The following TRIP10 variants were observed in gnomAD, a reference collection of about 807,000 sequenced individuals.
The protein encoded by TRIP10 is thyroid hormone receptor interactor 10, also known as cdc42-interacting protein 4.
A neutral mutation model predicts 80.9 loss-of-function variants in TRIP10; 54 were observed. That is an observed-to-expected ratio of 0.67 (90% CI 0.54 to 0.84). The LOEUF (loss-of-function observed/expected upper bound fraction) is 0.84. TRIP10 is among the 40% of genes least tolerant of loss of function. TRIP10 has a pLI of 0.00. For missense variants in TRIP10, 773 were observed against 815.3 expected (o/e 0.95, Z 0.63); for synonymous variants, 321 against 307.2 (o/e 1.04, Z -0.47).
chr19:6,743,482 TC>T lies in TRIP10; in HGVS notation c.409-8del. The T allele has an allele frequency of 6.2e-7, 1 of 1,613,226 alleles. No homozygotes were observed. Among genetic ancestry groups the T allele is most frequent in the Non-Finnish European group, 8.5e-7 (1 of 1,179,466 alleles). The stretch of plus-strand genomic sequence containing the variant: ...TGGTGGCTCCCTCACTCCGGTTCTG[TC>T]CCCTACACAGAGTAAGCGTAAATTT... On this transcript the variant is annotated splice_polypyrimidine_tract_variant and intron_variant, in intron 5 of 14. Transcript: ENST00000313244.
rs1240238855 is a variant in TRIP10 at position 6,745,012 on chromosome 19, T to G, written c.984+18T>G. On this transcript the variant is annotated intron_variant, in intron 9 of 14. Coordinates refer to ENST00000313244, the MANE Select transcript of TRIP10 (RefSeq NM_001288962.2). This position sits in a 1 kb window ranked among gnomAD's most constrained non-coding sequence, Gnocchi z 7.2. Reference sequence around the variant, plus strand: ...AGAACAAGGTGGGGGCCGGGACCCTTGGGATGGTGGGGGAGAAGGACAGTG... The same window carrying G: ...AGAACAAGGTGGGGGCCGGGACCCTGGGGATGGTGGGGGAGAAGGACAGTG... The G allele has an allele frequency of 1.2e-6, 2 of 1,608,682 alleles. No individual in the cohort carries two copies. Among genetic ancestry groups the G allele is most frequent in the Admixed American group, 3.3e-5 (2 of 59,722 alleles).
chr19:6,745,143 A>AGTCG lies in TRIP10; in HGVS notation c.984+150_984+151insTCGG. On this transcript the variant is annotated intron_variant, in intron 9 of 14. Coordinates refer to ENST00000313244, the MANE Select transcript of TRIP10 (RefSeq NM_001288962.2). The surrounding 1 kb of genome is among the most constrained non-coding windows in gnomAD (Gnocchi z 7.2). ...TGCCAGCCCGGACTGGAGGGAAGGA[A>AGTCG]GGCGGCCGATTGGCCTGGGAGTCCC... The AGTCG allele has an allele frequency of 8.8e-7, 1 of 1,140,082 alleles. No homozygotes were observed. Among genetic ancestry groups the AGTCG allele is most frequent in the Non-Finnish European group, 1.2e-6 (1 of 852,104 alleles). 70.6% of individuals were successfully genotyped at this position (1,140,082 alleles called of 1,614,324 possible).
chr19:6,747,957 G>A (rs1170585985), intron 11 of TRIP10, among the ~76,000 whole-genome samples: 3 of 145,526 alleles, frequency 2.1e-5, no homozygotes, highest in African/African-American at 2.6e-5. Flanking sequence ...AGAAGAAGAA[G>A]AAAAACCCAA....
Position 6,739,767 on chromosome 19 carries a change from T to A in TRIP10, c.6T>A (p.Asp2Glu). M[D>E]WGTELWDQFE... ...GCGGCGGCGGCGGGAGCAGCATGGA[T>A]TGGGGCACTGAGCTGTGGGTAAGTC... Residue 2 changes from aspartate (D) to glutamate (E), a missense_variant, in exon 1 of 15, where the codon GAT (aspartate) becomes GAA (glutamate). Transcript: ENST00000313244. 6.9e-7 allele frequency: 1 copy of A among 1,447,520 alleles called. No individual in the cohort carries two copies. Among genetic ancestry groups the A allele is most frequent in the Non-Finnish European group, 9.2e-7 (1 of 1,092,510 alleles). The allele number at this position is 1,447,520 out of a possible 1,614,324, so 89.7% of individuals were successfully genotyped here. A position where few individuals can be genotyped will look rare whatever the true frequency, so the allele number is the denominator to read the frequency against.
At position 6,745,799 on chromosome 19, in the gene TRIP10, G is replaced by C. The variant is rs919707491; in HGVS notation, c.985-230G>C. The stretch of plus-strand genomic sequence containing the variant: ...TCAACATCCTCCCCGCCACCTTCCA[G>C]ATTTTTTTGTGTCGCTCCTGCATGC... On this transcript the variant is annotated intron_variant, in intron 9 of 14. Coordinates refer to ENST00000313244, the MANE Select transcript of TRIP10 (RefSeq NM_001288962.2). The surrounding 1 kb of genome is among the most constrained non-coding windows in gnomAD (Gnocchi z 7.2). The C allele has an allele frequency of 6.1e-6, 6 of 984,898 alleles. No homozygotes were observed. The highest frequency in any genetic ancestry group is 5.3e-5 in the African/African-American group (3 of 57,106). 61.0% of individuals were successfully genotyped at this position (984,898 alleles called of 1,614,324 possible). A position where few individuals can be genotyped will look rare whatever the true frequency, so the allele number is the denominator to read the frequency against.
chr19:6,740,919 C>T lies in TRIP10; in HGVS notation c.25-91C>T, dbSNP rs762538788. The T allele has an allele frequency of 4.1e-5, 48 of 1,175,290 alleles. 1 individual carries two copies. The highest frequency in any genetic ancestry group is 3.9e-5 in the Non-Finnish European group (32 of 813,516). The allele number at this position is 1,175,290 out of a possible 1,614,324, so 72.8% of individuals were successfully genotyped here. The stretch of plus-strand genomic sequence containing the variant: ...TCCTTCTAGGAGCGCAGAGCCTTGG[C>T]CCTCCCTGGGAGTCTGGTCGGCGGG... On this transcript the variant is annotated intron_variant, in intron 1 of 14. Coordinates refer to ENST00000313244, the MANE Select transcript of TRIP10 (RefSeq NM_001288962.2).
intron 1 of TRIP10, 78 bp downstream of exon 1, chr19:6,739,863 G>C: frequency 2.2e-6 from 3 of 1,350,854 alleles, no homozygotes; most frequent in South Asian, 2.2e-5. Context: ...ATGTATCTTA[G>C]AGGGGGCTCC....
At chr19:6,750,143 G>GGGGGGGGGGGGGGGGT in intron 12 of TRIP10, 77 bp downstream of exon 12, 1 of 842,276 alleles carries the variant, frequency 1.2e-6, no homozygotes. Context: ...GGGGGTCGGG[G>GGGGGGGGGGGGGGGGT]ACAGGGGAGG....
At chr19:6,743,632 G>A (rs1333916799) in intron 6 of TRIP10, 34 bp downstream of exon 6, 2 of 1,605,134 alleles carry the variant, frequency 1.2e-6, no homozygotes, top group African/African-American at 1.3e-5. Context: ...GGGGTGCGGG[G>A]TCTGGGACAA....
rs762866329 is a variant in TRIP10, at chr19:6,743,129, G to A, written c.345+15G>A. On this transcript the variant is annotated intron_variant, in intron 4 of 14. Coordinates refer to ENST00000313244, the MANE Select transcript of TRIP10 (RefSeq NM_001288962.2). ...AGAGGAAGATGGTGAGGAGCCCCCC[G>A]ATTCAGGTTTTACAAAGGGCTTCTG... 19 of 1,614,126 alleles carry A rather than the reference G, an allele frequency of 1.2e-5. No individual in the cohort carries two copies. The African/African-American group carries it at 1.3e-4, about 11-fold the overall frequency.
At chr19:6,741,375 C>G in intron 3 of TRIP10, 94 bp downstream of exon 3, 1 of 1,389,848 alleles carries the variant, frequency 7.2e-7, no homozygotes, top group Non-Finnish European at 1.0e-6. Flanking sequence ...CCCCACCGCT[C>G]CTCTCACTTC....
chr19:6,743,364 C>T (rs1021452752), intron 5 of TRIP10, 108 bp downstream of exon 5: 1 of 1,526,714 alleles, frequency 6.6e-7, no homozygotes, highest in Non-Finnish European at 9.0e-7. Flanking sequence ...CTTCCCTCCC[C>T]CATAGGCTTC....
intron 1 of TRIP10, among the ~76,000 whole-genome samples, 192 bp downstream of exon 1, chr19:6,739,977 T>C (rs1406585295): frequency 6.6e-6 from 1 of 152,098 alleles, no homozygotes; most frequent in African/African-American, 2.4e-5. Flanking sequence ...AAGGGCGACT[T>C]TGCCGGACCG....
At position 6,751,415 on chromosome 19, in the gene TRIP10, ACATACT is replaced by A; in HGVS notation, c.*208_*213del. 8.1e-7 allele frequency: 1 copy of A among 1,240,466 alleles called. No individual in the cohort carries two copies. The highest frequency in any genetic ancestry group is 1.0e-6 in the Non-Finnish European group (1 of 959,528). 76.8% of individuals were successfully genotyped at this position (1,240,466 alleles called of 1,614,324 possible). The stretch of plus-strand genomic sequence containing the variant: ...TCTACCATCGTTCCACCATTGATGT[ACATACT>A]CATGTTTTACATCTTTTCTTTCTGC... On this transcript the variant is annotated 3_prime_UTR_variant, in exon 15 of 15. Coordinates refer to ENST00000313244, the MANE Select transcript of TRIP10 (RefSeq NM_001288962.2).
chr19:6,748,102 A>C (rs534004767), intron 11 of TRIP10, among the ~76,000 whole-genome samples: 47 of 152,302 alleles, frequency 3.1e-4, no homozygotes, highest in Non-Finnish European at 5.1e-4. Context: ...GAAAAGCAGC[A>C]TATGGTTATC....
chr19:6,750,153 G>T, intron 12 of TRIP10, 87 bp downstream of exon 12: 1 of 1,564,160 alleles, frequency 6.4e-7, no homozygotes, highest in East Asian at 2.3e-5. Context: ...GACAGGGGAG[G>T]TGTTCGGAGC....
chr19:6,742,523 G>A (rs1034710117), intron 3 of TRIP10, among the ~76,000 whole-genome samples: 1 of 152,068 alleles, frequency 6.6e-6, no homozygotes, highest in African/African-American at 2.4e-5. Context: ...ATACATTCGA[G>A]GTCCAGTGCG....
chr19:6,747,735 G>A (rs1430714013), intron 11 of TRIP10, among the ~76,000 whole-genome samples: 1 of 152,064 alleles, frequency 6.6e-6, no homozygotes, highest in Non-Finnish European at 1.5e-5. Flanking sequence ...GGAGGTTGCA[G>A]TGAGTCAAGA....
chr19:6,743,637 G>T, intron 6 of TRIP10, 39 bp downstream of exon 6: 1 of 1,610,524 alleles, frequency 6.2e-7, no homozygotes. Flanking sequence ...GCGGGGTCTG[G>T]GACAAGCTTG....
Sources: gnomAD v4.1 joint callset for allele counts (sites outside exome capture counted in the v4.1 genomes callset) on GRCh38, gnomAD v4.1.1 for gene constraint, Gnocchi (gnomAD v3.1) non-coding constraint, MANE v1.5 for transcripts, NCBI Gene and HGNC (gene_info 2026-07-23, HGNC 2026-07-21) for gene names.